The following PACRGL variants were observed in gnomAD, a reference collection of about 807,000 sequenced individuals.
The protein encoded by PACRGL is PACRG-like protein.
Under a neutral mutation model 34.5 loss-of-function variants are expected in PACRGL, and 38 were observed. That is an observed-to-expected ratio of 1.10 (90% confidence interval 0.85 to 1.44). The LOEUF (loss-of-function observed/expected upper bound fraction) is 1.44. Ranked by LOEUF, PACRGL falls within the 40% of genes most tolerant of loss-of-function variation. The pLI is 0.00. For missense variants in PACRGL, 305 were observed against 281.4 expected, an observed-to-expected ratio of 1.08 and a Z score of -0.60; for synonymous variants, 128 against 100.1, an observed-to-expected ratio of 1.28 and a Z score of -1.66.
chr4:20,746,793 C>A (rs1185696596), intron 8 of PACRGL, among the ~76,000 whole-genome samples: 1 of 152,118 alleles, frequency 6.6e-6, no homozygotes, highest in African/African-American at 2.4e-5. Flanking sequence ...CCCCTCCTAT[C>A]ATATTTCTTC....
At chr4:20,725,530 C>T (rs1161587614) in intron 8 of PACRGL, among the ~76,000 whole-genome samples, 1 of 152,096 alleles carries the variant, frequency 6.6e-6, no homozygotes, top group East Asian at 1.9e-4. Context: ...ATAATCTCGT[C>T]TTAGAAATAT....
At chr4:20,747,226 T>A (rs1312348414) in intron 8 of PACRGL, among the ~76,000 whole-genome samples, 1 of 152,206 alleles carries the variant, frequency 6.6e-6, no homozygotes, top group African/African-American at 2.4e-5. Flanking sequence ...AAATTGGATA[T>A]AATGTGCCCT....
chr4:20,755,117 C>T (rs531968313), downstream of PACRGL, among the ~76,000 whole-genome samples: 14 of 152,110 alleles, frequency 9.2e-5, no homozygotes, highest in African/African-American at 3.1e-4. Context: ...TTAGAAGGGC[C>T]CTCCCCTCTG....
intron 7 of PACRGL, chr4:20,716,263 G>T (rs760743309): frequency 1.4e-6 from 1 of 710,848 alleles, no homozygotes; most frequent in South Asian, 1.6e-5. Flanking sequence ...GAGGCACATA[G>T]GGCAGGGTCC....
intron 1 of PACRGL, chr4:20,702,097 C>G (rs1382250725): frequency 1.5e-5 from 7 of 452,264 alleles, no homozygotes; most frequent in Non-Finnish European, 2.7e-5. Flanking sequence ...GTTTTGGTGA[C>G]TTTTTGAACT....
At chr4:20,747,857 T>A (rs1030705955) in intron 8 of PACRGL, among the ~76,000 whole-genome samples, 16 of 152,122 alleles carry the variant, frequency 1.1e-4, no homozygotes, top group Admixed American at 2.0e-4. Flanking sequence ...TGCACCCTAT[T>A]TTTTTCATCT....
intron 8 of PACRGL, among the ~76,000 whole-genome samples, chr4:20,751,492 G>A (rs991198781): frequency 6.6e-6 from 1 of 152,000 alleles, no homozygotes; most frequent in Admixed American, 6.6e-5. Flanking sequence ...GTGCCCTCTG[G>A]AGATGTGAAT....
chr4:20,728,554 T>TAAGA lies in PACRGL; in HGVS notation c.*1214_*1217dup, dbSNP rs942367338. The TAAGA allele has an allele frequency of 1.4e-4, 21 of 152,630 alleles. No homozygotes were observed. Among genetic ancestry groups the TAAGA allele is most frequent in the Admixed American group, 3.3e-4 (5 of 15,292 alleles). The allele number at this position is 152,630 out of a possible 1,614,324, so 9.5% of individuals were successfully genotyped here. ...GCTATCTGCCATCTAGAAAGTACTG[T>TAAGA]AAGATTTAATTAATTACAAAATTTC... On this transcript the variant is annotated 3_prime_UTR_variant, in exon 9 of 9. Transcript: ENST00000503585.
intron 1 of PACRGL, among the ~76,000 whole-genome samples, chr4:20,703,379 A>C (rs1733058414): frequency 6.6e-6 from 1 of 152,166 alleles, no homozygotes; most frequent in Admixed American, 6.6e-5. Context: ...AATCAATGCC[A>C]TAGAAATACA....
intron 8 of PACRGL, among the ~76,000 whole-genome samples, chr4:20,748,571 T>C (rs1481343465): frequency 3.3e-5 from 1 of 29,916 alleles, no homozygotes; most frequent in African/African-American, 1.3e-4. Flanking sequence ...TATATATATA[T>C]ATATATATAT....
chr4:20,727,317 A>C lies in PACRGL; in HGVS notation c.723A>C (p.Pro241=). 6.2e-7 allele frequency: 1 copy of C among 1,613,104 alleles called. No individual in the cohort carries two copies. The highest frequency in any genetic ancestry group is 8.5e-7 in the Non-Finnish European group (1 of 1,179,286). ...TTAGCATCATCAAATCTAAAATTCC[A>C]ACATACTGCTCCATATGCTGTTGAA... ...GSLSIIKSKI[P]TYCSICC is the part of the protein sequence containing the mutation. The change falls in exon 9 of 9, where the codon CCA becomes CCC. Residue 241 remains proline, a synonymous_variant. Transcript: ENST00000503585.
intron 8 of PACRGL, among the ~76,000 whole-genome samples, chr4:20,750,843 G>A (rs1412738844): frequency 6.6e-6 from 1 of 152,030 alleles, no homozygotes; most frequent in Non-Finnish European, 1.5e-5. Context: ...TTTATCTTCT[G>A]TTTTAAATCT....
chr4:20,757,094 G>T (rs982329134), downstream of PACRGL, among the ~76,000 whole-genome samples: 1 of 151,908 alleles, frequency 6.6e-6, no homozygotes, highest in South Asian at 2.1e-4. Context: ...GATCATTATC[G>T]CCCTATTCCT....
rs1034508159 is a variant in PACRGL at position 20,729,515 on chromosome 4, A to C, written c.*2174A>C. The C allele has an allele frequency of 2.4e-5, 3 of 123,256 alleles. No homozygotes were observed. Among genetic ancestry groups the C allele is most frequent in the Non-Finnish European group, 5.6e-5 (3 of 53,660 alleles). 7.6% of individuals were successfully genotyped at this position (123,256 alleles called of 1,614,324 possible). A position where few individuals can be genotyped will look rare whatever the true frequency, so the allele number is the denominator to read the frequency against. Reference sequence around the variant, plus strand: ...TAATTTTTAAATGTTTAAAAATGCCAGATAAAACTAATTTCTAACAGAAGG... The same window carrying C: ...TAATTTTTAAATGTTTAAAAATGCCCGATAAAACTAATTTCTAACAGAAGG... On this transcript the variant is annotated 3_prime_UTR_variant, in exon 9 of 9. Coordinates refer to ENST00000503585, the MANE Select transcript of PACRGL (RefSeq NM_001258345.3).
rs182839459 is a variant in PACRGL at position 20,727,667 on chromosome 4, G to A, written c.*326G>A. 25 of 208,444 alleles carry A rather than the reference G, an allele frequency of 1.2e-4. No individual in the cohort carries two copies. The highest frequency in any genetic ancestry group is 7.1e-4 in the South Asian group (6 of 8,440). The allele number at this position is 208,444 out of a possible 1,614,324, so 12.9% of individuals were successfully genotyped here. A position where few individuals can be genotyped will look rare whatever the true frequency, so the allele number is the denominator to read the frequency against. On this transcript the variant is annotated 3_prime_UTR_variant, in exon 9 of 9. Coordinates refer to ENST00000503585, the MANE Select transcript of PACRGL (RefSeq NM_001258345.3). ...TTTTTATTTATAACAACACTTTTTT[G>A]GCAATCAGTTTGTAGCTGTGCCCTT...
At chr4:20,719,058 G>A (rs976933083) in intron 7 of PACRGL, 1 of 152,232 alleles carries the variant, frequency 6.6e-6, no homozygotes, top group South Asian at 2.1e-4. Context: ...TTTAGTCTTG[G>A]GAGGGTGTAT....
chr4:20,744,511 G>T (rs544084391), intron 8 of PACRGL, among the ~76,000 whole-genome samples: 3 of 151,828 alleles, frequency 2.0e-5, no homozygotes, highest in African/African-American at 7.3e-5. Context: ...GCAAACTATC[G>T]CAAGGACAGA....
At chr4:20,762,709 A>G in the PACRGL span, among the ~76,000 whole-genome samples, 2 of 152,206 alleles carry the variant, frequency 1.3e-5, no homozygotes, top group Non-Finnish European at 2.9e-5. Context: ...ATGTCCCTTA[A>G]TCAAAATGCT....
chr4:20,739,868 A>G (rs1426921071), intron 8 of PACRGL, among the ~76,000 whole-genome samples: 2 of 152,198 alleles, frequency 1.3e-5, no homozygotes, highest in African/African-American at 4.8e-5. Context: ...CGAATGGCTG[A>G]CTAGAATAAA....
Sources: allele counts gnomAD v4.1 joint callset (sites outside exome capture counted in the v4.1 genomes callset), GRCh38; gene constraint gnomAD v4.1.1; transcripts MANE v1.5; gene names NCBI Gene and HGNC (gene_info 2026-07-23, HGNC 2026-07-21).